Variants in NLRP12 observed in about 807,000 individuals in gnomAD.
NLRP12 encodes NACHT, LRR and PYD domains-containing protein 12.
A neutral mutation model predicts 91.2 loss-of-function variants in NLRP12; 108 were observed. The ratio of observed to expected loss-of-function variants is 1.18; its 90% confidence interval spans 1.01 to 1.39. NLRP12 has a LOEUF of 1.39. Among genes scored for constraint, NLRP12 ranks in the 40% most tolerant of loss-of-function variants. The pLI is 0.00. For missense variants in NLRP12, 1,530 were observed against 1,352.7 expected, an observed-to-expected ratio of 1.13 and a Z score of -2.06; for synonymous variants, 613 against 566.7, an observed-to-expected ratio of 1.08 and a Z score of -1.16.
At chr19:53,804,969 G>T (rs962168819) in intron 5 of NLRP12, among the ~76,000 whole-genome samples, 21 of 152,216 alleles carry the variant, frequency 1.4e-4, no homozygotes, top group Admixed American at 7.8e-4. Flanking sequence ...AGTGGGGGTT[G>T]CAGTGAGCCG....
rs1167429934 is a variant in NLRP12, at chr19:53,796,232, AT to A, written c.2928-204del. The A allele has an allele frequency of 2.8e-5, 17 of 605,822 alleles. No individual in the cohort carries two copies. The African/African-American group carries it at 3.2e-4, about 11-fold the overall frequency. The allele number at this position is 605,822 out of a possible 1,614,324, so 37.5% of individuals were successfully genotyped here. On this transcript the variant is annotated intron_variant, in intron 8 of 9. Transcript: ENST00000324134. ...CAGGTGTGCACCACCACCAATTAGCATGGCTAATTTTTGTATCCTTTTATTT... is the reference window on the plus strand; with the variant it reads ...CAGGTGTGCACCACCACCAATTAGCAGGCTAATTTTTGTATCCTTTTATTT...
At chr19:53,807,385 G>A (rs2091977033) in intron 4 of NLRP12, 110 bp downstream of exon 4, 4 of 1,112,778 alleles carry the variant, frequency 3.6e-6, no homozygotes, top group Non-Finnish European at 5.2e-6. Context: ...ACTTTTTTAT[G>A]GCAGCCGTAG....
At position 53,823,910 on chromosome 19, in the gene NLRP12, C is replaced by A. The variant is rs753292620; in HGVS notation, c.265G>T (p.Gly89Ter). 1 of 1,613,912 alleles carries A rather than the reference C, an allele frequency of 6.2e-7. No homozygotes were observed. Among genetic ancestry groups the A allele is most frequent in the African/African-American group, 1.3e-5 (1 of 74,870 alleles). The change falls in exon 1 of 10, where the codon GGA becomes TGA. Residue 89 changes from glycine (G) to a stop codon, truncating the protein, a stop_gained. Transcript: ENST00000324134. LOFTEE classifies it high-confidence loss of function. Reference protein sequence around the residue: ...RINRKDLWERGQREDLVRDTP... With the variant: ...RINRKDLWER Reference sequence around the variant, plus strand: ...CCCCTCACCAGGTCCTCTCTCTGTCCTCTCTCCCACAGGTCCTTCCTGTTT... The same window carrying A: ...CCCCTCACCAGGTCCTCTCTCTGTCATCTCTCCCACAGGTCCTTCCTGTTT...
chr19:53,812,092 A>G (rs541423950), intron 2 of NLRP12, among the ~76,000 whole-genome samples: 9 of 152,062 alleles, frequency 5.9e-5, no homozygotes, highest in African/African-American at 2.2e-4. Context: ...AAGAAAGAGA[A>G]AACAAAGGGG....
At position 53,811,131 on chromosome 19, in the gene NLRP12, A is replaced by G. The variant is rs1359731684; in HGVS notation, c.528T>C (p.Leu176=). The G allele has an allele frequency of 6.2e-7, 1 of 1,613,974 alleles. No homozygotes were observed. Among genetic ancestry groups the G allele is most frequent in the African/African-American group, 1.3e-5 (1 of 74,978 alleles). ...TCGCGTGTCCCCGGCCTGTGTCCAGAAGCTGCTGCTGGACCTGCATGGGGT... is the reference window on the plus strand; with the variant it reads ...TCGCGTGTCCCCGGCCTGTGTCCAGGAGCTGCTGCTGGACCTGCATGGGGT... The part of the protein sequence containing the change: ...HSNPMQVQQQ[L]LDTGRGHART... Residue 176 remains leucine (L), a synonymous_variant, in exon 3 of 10, where the codon CTT becomes CTC. Transcript: ENST00000324134.
Position 53,809,823 on chromosome 19 carries a change from C to A in NLRP12, c.1836G>T (p.Glu612Asp), listed in dbSNP as rs775055071. Reference sequence around the variant, plus strand: ...GGATCTCGTACAAGCAGCTGAAGAACTCCAAGGAGCCCTGCTGCAGGGTGG... The same window carrying A: ...GGATCTCGTACAAGCAGCTGAAGAAATCCAAGGAGCCCTGCTGCAGGGTGG... ...DGSTLQQGSL[E>D]FFSCLYEIQE... Residue 612 changes from glutamate to aspartate, a missense_variant, in exon 3 of 10, where the codon GAG becomes GAT. Glu to Asp is a conservative substitution (Grantham distance 45, BLOSUM62 2). Coordinates refer to ENST00000324134, the MANE Select transcript of NLRP12 (RefSeq NM_144687.4). 1 of 1,614,144 alleles carries A rather than the reference C, an allele frequency of 6.2e-7. No homozygotes were observed. Among genetic ancestry groups the A allele is most frequent in the South Asian group, 1.1e-5 (1 of 91,084 alleles).
chr19:53,811,888 G>A (rs1395406668), intron 2 of NLRP12, among the ~76,000 whole-genome samples: 2 of 152,004 alleles, frequency 1.3e-5, no homozygotes, highest in African/African-American at 2.4e-5. Flanking sequence ...TTCAGCAAAG[G>A]ATTTATAGAA....
Position 53,798,378 on chromosome 19 carries a change from T to C in NLRP12, c.2792A>G (p.Glu931Gly), listed in dbSNP as rs566677129. The stretch of plus-strand genomic sequence containing the variant: ...GGCCTGGAGCACCACAGAAAGACCC[T>C]CACAGGCGGCAGAGCCCAGCCGGCA... ...GICRLGSAAC[E>G]GLSVVLQANH... Residue 931 changes from glutamate (E) to glycine (G), a missense_variant, in exon 8 of 10, where the codon GAG (glutamate) becomes GGG (glycine). Glu to Gly is a moderately conservative substitution (Grantham distance 98). Transcript: ENST00000324134. The C allele has an allele frequency of 5.0e-6, 8 of 1,613,984 alleles. No individual in the cohort carries two copies. In the East Asian group the frequency reaches 1.8e-4, roughly 36 times the overall value.
chr19:53,811,605 G>A (rs561392509), intron 2 of NLRP12, among the ~76,000 whole-genome samples: 10 of 149,328 alleles, frequency 6.7e-5, no homozygotes, highest in Admixed American at 1.3e-4. Flanking sequence ...ATGGAGTCTC[G>A]CTCTGTTGCC....
At chr19:53,823,423 T>TATATATTTAAAATATATATTTTTTAA (rs1555799936) in intron 1 of NLRP12, among the ~76,000 whole-genome samples, 1 of 109,912 alleles carries the variant, frequency 9.1e-6, no homozygotes, top group Admixed American at 1.2e-4. Flanking sequence ...ATGTTTTAAA[T>TATATATTTAAAATATATATTTTTTAA]ATATATATTT....
intron 8 of NLRP12, among the ~76,000 whole-genome samples, chr19:53,796,876 C>T (rs1166011301): frequency 6.9e-6 from 1 of 145,084 alleles, no homozygotes; most frequent in Admixed American, 6.9e-5. Context: ...TGCCTGTAAT[C>T]CCAGCTACTC....
intron 2 of NLRP12, among the ~76,000 whole-genome samples, chr19:53,814,680 A>G (rs1244099459): frequency 6.6e-6 from 1 of 152,124 alleles, no homozygotes; most frequent in Non-Finnish European, 1.5e-5. Flanking sequence ...CCCTGCGTGT[A>G]TGAGATGGTT....
chr19:53,821,362 A>G (rs2092263004), intron 1 of NLRP12, among the ~76,000 whole-genome samples: 1 of 151,644 alleles, frequency 6.6e-6, no homozygotes, highest in Non-Finnish European at 1.5e-5. Flanking sequence ...TATGAGATAG[A>G]AGATATAATA....
intron 1 of NLRP12, among the ~76,000 whole-genome samples, chr19:53,815,225 CTT>C (rs59179749): frequency 3.1e-4 from 30 of 96,974 alleles, no homozygotes; most frequent in African/African-American, 9.5e-4. Context: ...TCCAATCAGT[CTT>C]TTTTTTTTTT....
chr19:53,794,029 G>A lies in NLRP12; in HGVS notation c.*20C>T, dbSNP rs757556660. 3.9e-5 allele frequency: 61 copies of A among 1,572,416 alleles called. No individual in the cohort carries two copies. Among genetic ancestry groups the A allele is most frequent in the Non-Finnish European group, 1.1e-5 (12 of 1,142,114 alleles). On this transcript the variant is annotated 3_prime_UTR_variant, in exon 10 of 10. Coordinates refer to ENST00000324134, the MANE Select transcript of NLRP12 (RefSeq NM_144687.4). ...CTTCCTCTGTCCAGATCTCAGGGGA[G>A]AGCCAGCAGATAGGACCATTCAGCA...
At chr19:53,805,599 C>T (rs2091946657) in intron 4 of NLRP12, 149 bp from the exon 5 acceptor site, 2 of 787,830 alleles carry the variant, frequency 2.5e-6, no homozygotes, top group South Asian at 3.1e-5. Context: ...CTTACCACAA[C>T]CTCTGCCTCC....
intron 1 of NLRP12, among the ~76,000 whole-genome samples, chr19:53,815,225 CTTTTTTTT>C (rs59179749): frequency 1.0e-5 from 1 of 96,996 alleles, no homozygotes; most frequent in Non-Finnish European, 1.9e-5. Flanking sequence ...TCCAATCAGT[CTTTTTTTT>C]TTTTTTTTTT....
Position 53,812,495 on chromosome 19 carries a change from G to A in NLRP12, c.371-1207C>T, listed in dbSNP as rs75612588. The stretch of plus-strand genomic sequence containing the variant: ...AGTTCCCCAGGGGACATTTGGCAAC[G>A]GGACAAGTGGGTTGGTTGTTACAAC... On this transcript the variant is annotated intron_variant, in intron 2 of 9. Coordinates refer to ENST00000324134, the MANE Select transcript of NLRP12 (RefSeq NM_144687.4). Among the ~76,000 whole-genome samples, 762 of 152,062 alleles carry A rather than the reference G, an allele frequency of 5.0e-3. 3 individuals carry two copies. Among genetic ancestry groups the A allele is most frequent in the Middle Eastern group, 0.01 (3 of 294 alleles).
In NLRP12 at chr19:53,796,221, C is replaced by T. The variant is rs146866695; in HGVS notation, c.2928-192G>A. ...AGCTGGGATTACAGGTGTGCACCAC[C>T]ACCAATTAGCATGGCTAATTTTTGT... On this transcript the variant is annotated intron_variant, in intron 8 of 9. Transcript: ENST00000324134. 8.8e-4 allele frequency: 558 copies of T among 632,998 alleles called. 1 individual carries two copies. The highest frequency in any genetic ancestry group is 1.2e-3 in the Non-Finnish European group (430 of 346,250). The allele number at this position is 632,998 out of a possible 1,614,324, so 39.2% of individuals were successfully genotyped here.
Sources: gnomAD v4.1 joint callset for allele counts (sites outside exome capture counted in the v4.1 genomes callset) on GRCh38, gnomAD v4.1.1 for gene constraint, MANE v1.5 for transcripts, NCBI Gene and HGNC (gene_info 2026-07-23, HGNC 2026-07-21) for gene names.